Variants in SLIT3 observed in about 807,000 individuals in gnomAD.
SLIT3 encodes the protein slit homolog 3 protein.
SLIT3 carries 68 observed loss-of-function variants against 184.0 expected under a neutral mutation model. That is an observed-to-expected ratio of 0.37 (90% CI 0.30 to 0.45). The LOEUF (loss-of-function observed/expected upper bound fraction) is 0.45, where lower values mean the gene tolerates loss of function less well. SLIT3 is among the 20% of genes least tolerant of loss of function. The probability of loss-of-function intolerance (pLI) is 1.00; values close to 1 mark genes in which losing one functional copy is unlikely to be tolerated. For missense variants in SLIT3, 1,707 were observed against 2,026.0 expected (o/e 0.84, Z 3.02); for synonymous variants, 831 against 828.6 (o/e 1.00, Z -0.05).
chr5:169,007,746 C>T (rs763666707), intron 4 of SLIT3, among the ~76,000 whole-genome samples: 2 of 152,226 alleles, frequency 1.3e-5, no homozygotes, highest in Non-Finnish European at 2.9e-5. Flanking sequence ...TAAAGATGGC[C>T]TTTAACTAAT....
chr5:168,754,983 C>T (rs558005153), intron 16 of SLIT3, among the ~76,000 whole-genome samples: 1 of 152,366 alleles, frequency 6.6e-6, no homozygotes, highest in African/African-American at 2.4e-5. Context: ...AACTTCTAAG[C>T]TTTCTCACCA....
chr5:168,900,784 A>C (rs1467717778), intron 4 of SLIT3, among the ~76,000 whole-genome samples: 1 of 152,256 alleles, frequency 6.6e-6, no homozygotes, highest in Non-Finnish European at 1.5e-5. Flanking sequence ...TCAGCCATAA[A>C]AACGAATGAA....
At chr5:168,762,784 A>C (rs1483105517) in intron 14 of SLIT3, 95 bp from the exon 15 acceptor site, 7 of 1,259,774 alleles carry the variant, frequency 5.6e-6, no homozygotes, top group African/African-American at 2.9e-5. Context: ...AGATGGGGGA[A>C]TGAGTTGGGG....
chr5:169,282,253 T>G (rs911565943), intron 1 of SLIT3, among the ~76,000 whole-genome samples: 10 of 152,194 alleles, frequency 6.6e-5, no homozygotes, highest in Non-Finnish European at 1.5e-4. Flanking sequence ...TCTTAGCAAC[T>G]GTCACCTCAA....
At position 168,749,344 on chromosome 5, in the gene SLIT3, C is replaced by G. The variant is rs751742306; in HGVS notation, c.2137+128G>C. On this transcript the variant is annotated intron_variant, in intron 19 of 35. Coordinates refer to ENST00000519560, the MANE Select transcript of SLIT3 (RefSeq NM_003062.4). ...CTAGTAGCAGATCTGCAGAGCTCTCCAGAGCTCCAGCTGCATGCCCAAAGC... is the reference window on the plus strand; with the variant it reads ...CTAGTAGCAGATCTGCAGAGCTCTCGAGAGCTCCAGCTGCATGCCCAAAGC... 7.5e-5 allele frequency: 81 copies of G among 1,077,796 alleles called. 1 individual carries two copies. The highest frequency in any genetic ancestry group is 1.1e-4 in the Non-Finnish European group (77 of 733,210). The allele number at this position is 1,077,796 out of a possible 1,614,324, so 66.8% of individuals were successfully genotyped here.
chr5:169,210,116 C>T (rs1764211854), intron 3 of SLIT3, among the ~76,000 whole-genome samples: 1 of 152,070 alleles, frequency 6.6e-6, no homozygotes, highest in African/African-American at 2.4e-5. Flanking sequence ...AACACAGAAG[C>T]TGTGGGAGAA....
At chr5:168,667,644 T>C (rs1288260370) in intron 35 of SLIT3, 1 of 152,240 alleles carries the variant, frequency 6.6e-6, no homozygotes, top group Non-Finnish European at 1.5e-5. Context: ...GCCATGACCC[T>C]TGACCCTTGA....
chr5:169,207,366 T>TACACACACAC (rs1360535639), intron 3 of SLIT3, among the ~76,000 whole-genome samples: 8 of 84,356 alleles, frequency 9.5e-5, no homozygotes, highest in African/African-American at 4.0e-4. Context: ...TACATACACA[T>TACACACACAC]ACATACACAC....
At chr5:169,282,630 T>C (rs759202338) in intron 1 of SLIT3, among the ~76,000 whole-genome samples, 2 of 152,124 alleles carry the variant, frequency 1.3e-5, no homozygotes, top group African/African-American at 2.4e-5. Context: ...ATGGGATAAA[T>C]AAGTGAGGTT....
intron 3 of SLIT3, among the ~76,000 whole-genome samples, chr5:169,243,948 G>A (rs1765489720): frequency 6.6e-6 from 1 of 152,240 alleles, no homozygotes; most frequent in East Asian, 1.9e-4. Context: ...GATGTTATGA[G>A]CTGCCAGATG....
At chr5:168,970,619 A>G (rs1754545525) in intron 4 of SLIT3, among the ~76,000 whole-genome samples, 1 of 152,084 alleles carries the variant, frequency 6.6e-6, no homozygotes, top group African/African-American at 2.4e-5. Context: ...TTTTATGGCC[A>G]CAGATTATAT....
chr5:168,945,596 GT>G (rs1423262653), intron 4 of SLIT3, among the ~76,000 whole-genome samples: 1 of 152,190 alleles, frequency 6.6e-6, no homozygotes, highest in Admixed American at 6.5e-5. Flanking sequence ...CTCCACAGAG[GT>G]TCTGTGTCTC....
intron 32 of SLIT3, among the ~76,000 whole-genome samples, chr5:168,673,765 A>G (rs567940717): frequency 6.6e-6 from 1 of 152,304 alleles, no homozygotes; most frequent in Admixed American, 6.5e-5. Context: ...ATTGGACCCA[A>G]TACTGTCCTT....
intron 3 of SLIT3, among the ~76,000 whole-genome samples, chr5:169,233,232 C>T (rs1021132576): frequency 6.6e-6 from 1 of 152,254 alleles, no homozygotes; most frequent in Admixed American, 6.5e-5. Context: ...ACCATCTTGG[C>T]CAGGATGGTC....
chr5:168,701,317 C>A (rs967894763), intron 26 of SLIT3, among the ~76,000 whole-genome samples: 56 of 152,202 alleles, frequency 3.7e-4, no homozygotes, highest in African/African-American at 1.3e-3. Context: ...TACAAAGTGA[C>A]AACCCCAGAG....
At chr5:169,151,707 C>A (rs553742358) in intron 4 of SLIT3, among the ~76,000 whole-genome samples, 1 of 152,344 alleles carries the variant, frequency 6.6e-6, no homozygotes, top group Non-Finnish European at 1.5e-5. Context: ...AGAGCCCAGC[C>A]CTGTAAAGTA....
intron 23 of SLIT3, chr5:168,718,035 A>C (rs1762801649): frequency 6.6e-6 from 1 of 152,102 alleles, no homozygotes; most frequent in Non-Finnish European, 1.5e-5. Flanking sequence ...AAATTCTGCA[A>C]TTAAACTTTT....
intron 4 of SLIT3, among the ~76,000 whole-genome samples, chr5:169,031,309 T>A (rs561983481): frequency 6.6e-6 from 1 of 152,316 alleles, no homozygotes; most frequent in East Asian, 1.9e-4. Flanking sequence ...TGCTAAGTAC[T>A]GTGTTTGCGT....
intron 2 of SLIT3, among the ~76,000 whole-genome samples, chr5:169,245,480 G>T (rs1030074304): frequency 6.6e-6 from 1 of 152,096 alleles, no homozygotes; most frequent in Non-Finnish European, 1.5e-5. Flanking sequence ...AAAAAAAATG[G>T]CCGCTTAAAT....
Sources: gnomAD v4.1 joint callset for allele counts (sites outside exome capture counted in the v4.1 genomes callset) on GRCh38, gnomAD v4.1.1 for gene constraint, MANE v1.5 for transcripts, NCBI Gene and HGNC (gene_info 2026-07-23, HGNC 2026-07-21) for gene names.